FGF19: variants seen among roughly 807,000 people sequenced by gnomAD.
The protein encoded by FGF19 is fibroblast growth factor 19.
Under a neutral mutation model 8.9 loss-of-function variants are expected in FGF19, and 5 were observed. That is an observed-to-expected ratio of 0.56 (90% confidence interval 0.29 to 1.18). The LOEUF (loss-of-function observed/expected upper bound fraction) is 1.18, where lower values mean the gene tolerates loss of function less well. Ranked by LOEUF, FGF19 falls within the 50% of genes most tolerant of loss-of-function variation. The pLI, the probability that FGF19 is intolerant of heterozygous loss-of-function variation, is 0.08. For synonymous variants in FGF19, 124 were observed against 128.0 expected, an observed-to-expected ratio of 0.97 and a Z score of 0.21; for missense variants, 237 against 293.9, an observed-to-expected ratio of 0.81 and a Z score of 1.42.
Position 69,703,613 on chromosome 11 carries a change from C to A in FGF19, c.232+32G>T, listed in dbSNP as rs919766948. The stretch of plus-strand genomic sequence containing the variant: ...GCGCAGCGGGGTGGGGTGCGCGCGG[C>A]GGGGCGGGCGGGGGTGCTGGCGGGC... On this transcript the variant is annotated intron_variant, in intron 1 of 2. Coordinates refer to ENST00000294312, the MANE Select transcript of FGF19 (RefSeq NM_005117.3). This position sits in a 1 kb window ranked among gnomAD's most constrained non-coding sequence, Gnocchi z 6.8. 3 of 542,806 alleles carry A rather than the reference C, an allele frequency of 5.5e-6. No individual in the cohort carries two copies. Among genetic ancestry groups the A allele is most frequent in the African/African-American group, 1.5e-4 (2 of 13,670 alleles). 33.6% of individuals were successfully genotyped at this position (542,806 alleles called of 1,614,324 possible).
chr11:69,703,365 C>A lies in FGF19; in HGVS notation c.233-1G>T. ...GCGACTGCCTTGATCTCCAGCAAAC[C>A]TAGGCGCAGGGGAAGCGAGAAGCTG... On this transcript the variant is annotated splice_acceptor_variant, in intron 1 of 2. Transcript: ENST00000294312. LOFTEE classifies it high-confidence loss of function. The surrounding 1 kb of genome is among the most constrained non-coding windows in gnomAD (Gnocchi z 6.8). 1 of 1,604,346 alleles carries A rather than the reference C, an allele frequency of 6.2e-7. No homozygotes were observed. Among genetic ancestry groups the A allele is most frequent in the East Asian group, 2.2e-5 (1 of 44,466 alleles).
At position 69,702,475 on chromosome 11, in the gene FGF19, C is replaced by T. The variant is rs1854783619; in HGVS notation, c.336+786G>A. Among the ~76,000 whole-genome samples, 1 of 152,104 alleles carries T rather than the reference C, an allele frequency of 6.6e-6. No individual in the cohort carries two copies. ...GAGACCTCACACAGCCTCCTCTGCG[C>T]GCGGGGCCGCGGGAGGGGCGCGGGT... On this transcript the variant is annotated intron_variant, in intron 2 of 2. Coordinates refer to ENST00000294312, the MANE Select transcript of FGF19 (RefSeq NM_005117.3). This position sits in a 1 kb window ranked among gnomAD's most constrained non-coding sequence, Gnocchi z 4.6.
chr11:69,699,541 C>T lies in FGF19; in HGVS notation c.372G>A (p.Glu124=), dbSNP rs1854746083. 6.2e-7 allele frequency: 1 copy of T among 1,613,662 alleles called. No homozygotes were observed. Among genetic ancestry groups the T allele is most frequent in the Admixed American group, 1.7e-5 (1 of 59,970 alleles). The change falls in exon 3 of 3, where the codon GAG becomes GAA. Residue 124 remains glutamate, a synonymous_variant. Transcript: ENST00000294312. ...CATTGTAGCCATCTGGGCGGATCTC[C>T]TCCTCGAAAGCACAGTCTTCCTCCG... ...QYSEEDCAFE[E]EIRPDGYNVY... is the part of the protein sequence containing the mutation.
In FGF19 at chr11:69,703,401, C is replaced by A; in HGVS notation, c.233-37G>T. Reference sequence around the variant, plus strand: ...GGAAGCGAGAAGCTGCAGCAAGGACCGCTGGGCCCGCACCACGTGGGTGCG... The same window carrying A: ...GGAAGCGAGAAGCTGCAGCAAGGACAGCTGGGCCCGCACCACGTGGGTGCG... On this transcript the variant is annotated intron_variant, in intron 1 of 2. Coordinates refer to ENST00000294312, the MANE Select transcript of FGF19 (RefSeq NM_005117.3). This position sits in a 1 kb window ranked among gnomAD's most constrained non-coding sequence, Gnocchi z 6.8. The A allele has an allele frequency of 6.7e-7, 1 of 1,499,636 alleles. No homozygotes were observed. The highest frequency in any genetic ancestry group is 9.1e-7 in the Non-Finnish European group (1 of 1,096,296). The allele number at this position is 1,499,636 out of a possible 1,614,324, so 92.9% of individuals were successfully genotyped here. A position where few individuals can be genotyped will look rare whatever the true frequency, so the allele number is the denominator to read the frequency against.
intron 2 of FGF19, among the ~76,000 whole-genome samples, chr11:69,700,251 A>G (rs894527461): frequency 6.6e-6 from 1 of 152,048 alleles, no homozygotes; most frequent in Non-Finnish European, 1.5e-5. Flanking sequence ...ATAAATTATA[A>G]TCTTTATATA....
In FGF19 at chr11:69,699,474, T is replaced by A; in HGVS notation, c.439A>T (p.Ser147Cys). The stretch of plus-strand genomic sequence containing the variant: ...TTGTACAGCTGCCGCTGTTTGGCAC[T>A]GCTCAGGGAGACCGGGAGGCGGTGC... ...EKHRLPVSLSSAKQRQLYKNR... is the reference protein window; with the variant it reads ...EKHRLPVSLSCAKQRQLYKNR... The change falls in exon 3 of 3, where the codon AGT becomes TGT. Residue 147 changes from serine to cysteine, a missense_variant. By Grantham distance (112) the Ser-to-Cys change is moderately radical. Transcript: ENST00000294312. 1 of 1,614,186 alleles carries A rather than the reference T, an allele frequency of 6.2e-7. No homozygotes were observed. The highest frequency in any genetic ancestry group is 8.5e-7 in the Non-Finnish European group (1 of 1,180,012).
chr11:69,699,607 C>A, intron 2 of FGF19, 31 bp from the exon 3 acceptor site: 6 of 1,549,346 alleles, frequency 3.9e-6, no homozygotes, highest in Non-Finnish European at 5.2e-6. Context: ...TCTGAGCAAT[C>A]CACAGTGGAC....
Position 69,699,329 on chromosome 11 carries a change from T to C in FGF19, c.584A>G (p.Asp195Gly). The change falls in exon 3 of 3, where the codon GAC becomes GGC. Residue 195 changes from aspartate to glycine, a missense_variant. Physicochemically the swap from Asp to Gly is moderately conservative, Grantham distance 94. Coordinates refer to ENST00000294312, the MANE Select transcript of FGF19 (RefSeq NM_005117.3). Reference sequence around the variant, plus strand: ...GACAAGCCCAAATGGGTCCATGCTGTCGGTCTCCAGGGGCGAAGAGAACAT... The same window carrying C: ...GACAAGCCCAAATGGGTCCATGCTGCCGGTCTCCAGGGGCGAAGAGAACAT... Reference protein sequence around the residue: ...SDMFSSPLETDSMDPFGLVTG... With the variant: ...SDMFSSPLETGSMDPFGLVTG... 2 of 1,614,190 alleles carry C rather than the reference T, an allele frequency of 1.2e-6. No individual in the cohort carries two copies. The highest frequency in any genetic ancestry group is 1.7e-6 in the Non-Finnish European group (2 of 1,180,028).
intron 2 of FGF19, among the ~76,000 whole-genome samples, chr11:69,700,698 T>A (rs1565087290): frequency 6.6e-6 from 1 of 152,198 alleles, no homozygotes; most frequent in Non-Finnish European, 1.5e-5. Context: ...AGCCCCGCTG[T>A]CTCCTCCATT....
At position 69,699,148 on chromosome 11, in the gene FGF19, C is replaced by T; in HGVS notation, c.*114G>A. 1 of 734,150 alleles carries T rather than the reference C, an allele frequency of 1.4e-6. No homozygotes were observed. Among genetic ancestry groups the T allele is most frequent in the South Asian group, 1.9e-5 (1 of 53,078 alleles). The allele number at this position is 734,150 out of a possible 1,614,324, so 45.5% of individuals were successfully genotyped here. On this transcript the variant is annotated 3_prime_UTR_variant, in exon 3 of 3. Transcript: ENST00000294312. ...GAATATGTACAACTTCTAGATGTTT[C>T]TTCCTAAAGCTAAACAGAACGTGGA...
At position 69,699,640 on chromosome 11, in the gene FGF19, C is replaced by T. The variant is rs147194982; in HGVS notation, c.337-64G>A. The T allele has an allele frequency of 2.9e-3, 3,878 of 1,353,798 alleles. 13 individuals carry two copies. The highest frequency in any genetic ancestry group is 3.7e-3 in the Non-Finnish European group (3,699 of 998,372). The allele number at this position is 1,353,798 out of a possible 1,614,324, so 83.9% of individuals were successfully genotyped here. On this transcript the variant is annotated intron_variant, in intron 2 of 2. Transcript: ENST00000294312. ...GACAGGGAACACGGGTCCACATGGACGTTTGTGCTACAGACTGTCCCTGGT... is the reference window on the plus strand; with the variant it reads ...GACAGGGAACACGGGTCCACATGGATGTTTGTGCTACAGACTGTCCCTGGT...
Position 69,703,825 on chromosome 11 carries a change from G to C in FGF19, c.52C>G (p.Leu18Val). The C allele has an allele frequency of 8.1e-7, 1 of 1,236,460 alleles. No homozygotes were observed. Among genetic ancestry groups the C allele is most frequent in the Non-Finnish European group, 1.0e-6 (1 of 990,160 alleles). The allele number at this position is 1,236,460 out of a possible 1,614,324, so 76.6% of individuals were successfully genotyped here. A position where few individuals can be genotyped will look rare whatever the true frequency, so the allele number is the denominator to read the frequency against. The change falls in exon 1 of 3, where the codon CTG becomes GTG. Residue 18 changes from leucine (L) to valine (V), a missense_variant. Coordinates refer to ENST00000294312, the MANE Select transcript of FGF19 (RefSeq NM_005117.3). The surrounding 1 kb of genome is among the most constrained non-coding windows in gnomAD (Gnocchi z 6.8). The stretch of plus-strand genomic sequence containing the variant: ...GCGAGGGGGCGCCCGGCCACGGCCA[G>C]CCAGAGGCCGGCCAGGATCCATACG... ...VHVWILAGLW[L>V]AVAGRPLAFS...
In FGF19 at chr11:69,699,566, G is replaced by C. The variant is rs765440889; in HGVS notation, c.347C>G (p.Ser116Trp). The change falls in exon 3 of 3, where the codon TCG becomes TGG. Residue 116 changes from serine to tryptophan, a missense_variant. Physicochemically the swap from Ser to Trp is radical, Grantham distance 177. Transcript: ENST00000294312. Reference sequence around the variant, plus strand: ...CTCCTCGAAAGCACAGTCTTCCTCCGAGTACTGAAGCTGCAGAGAAAACAG... The same window carrying C: ...CTCCTCGAAAGCACAGTCTTCCTCCCAGTACTGAAGCTGCAGAGAAAACAG... ...DGKMQGLLQY[S>W]EEDCAFEEEI... The C allele has an allele frequency of 3.5e-5, 57 of 1,608,380 alleles. No homozygotes were observed. The highest frequency in any genetic ancestry group is 4.3e-5 in the Non-Finnish European group (51 of 1,176,680).
At chr11:69,700,901 A>G (rs1854765376) in intron 2 of FGF19, among the ~76,000 whole-genome samples, 1 of 152,244 alleles carries the variant, frequency 6.6e-6, no homozygotes, top group Non-Finnish European at 1.5e-5. Flanking sequence ...CACCGGTGTC[A>G]TTACCCCTTG....
In FGF19 at chr11:69,703,430, G is replaced by A. The variant is rs1854800329; in HGVS notation, c.233-66C>T. The A allele has an allele frequency of 8.6e-6, 11 of 1,284,170 alleles. No homozygotes were observed. The highest frequency in any genetic ancestry group is 1.2e-5 in the Non-Finnish European group (11 of 908,142). The allele number at this position is 1,284,170 out of a possible 1,614,324, so 79.5% of individuals were successfully genotyped here. On this transcript the variant is annotated intron_variant, in intron 1 of 2. Transcript: ENST00000294312. This position sits in a 1 kb window ranked among gnomAD's most constrained non-coding sequence, Gnocchi z 6.8. The stretch of plus-strand genomic sequence containing the variant: ...GGGCCCGCACCACGTGGGTGCGGTC[G>A]GTCCACAAGCCTGTGCTTCTCCCTA...
chr11:69,700,927 C>T (rs1290555682), intron 2 of FGF19, among the ~76,000 whole-genome samples: 1 of 152,254 alleles, frequency 6.6e-6, no homozygotes, highest in Non-Finnish European at 1.5e-5. Context: ...CCAGGACAGG[C>T]GCAGGCGGGA....
intron 2 of FGF19, among the ~76,000 whole-genome samples, chr11:69,700,025 G>C (rs547448286): frequency 6.7e-4 from 102 of 151,802 alleles, no homozygotes; most frequent in African/African-American, 2.3e-3. Context: ...GGTAGTCAAG[G>C]CTGCACTGAG....
In FGF19 at chr11:69,703,548, T is replaced by C. The variant is rs1854801239; in HGVS notation, c.232+97A>G. 1.3e-6 allele frequency: 1 copy of C among 746,036 alleles called. No homozygotes were observed. The highest frequency in any genetic ancestry group is 2.0e-5 in the African/African-American group (1 of 48,874). The allele number at this position is 746,036 out of a possible 1,614,324, so 46.2% of individuals were successfully genotyped here. A position where few individuals can be genotyped will look rare whatever the true frequency, so the allele number is the denominator to read the frequency against. ...AGGAGTTGAGGGGTCCGCAGGAGCC[T>C]AAGGGTGGCAAAGGAAGGAAGGGCG... On this transcript the variant is annotated intron_variant, in intron 1 of 2. Transcript: ENST00000294312. This position sits in a 1 kb window ranked among gnomAD's most constrained non-coding sequence, Gnocchi z 6.8.
Position 69,703,176 on chromosome 11 carries a change from C to G in FGF19, c.336+85G>C, listed in dbSNP as rs1854795518. On this transcript the variant is annotated intron_variant, in intron 2 of 2. Transcript: ENST00000294312. The surrounding 1 kb of genome is among the most constrained non-coding windows in gnomAD (Gnocchi z 6.8). ...AGGCGAGGAAACCCTGGATTCGAAC[C>G]AGCGCCTTTCTCTCCTTCAGGCCTC... is the stretch of plus-strand genomic sequence containing the variant. The G allele has an allele frequency of 1.1e-6, 1 of 913,916 alleles. No individual in the cohort carries two copies. The highest frequency in any genetic ancestry group is 2.6e-5 in the Admixed American group (1 of 38,386). The allele number at this position is 913,916 out of a possible 1,614,324, so 56.6% of individuals were successfully genotyped here. A position where few individuals can be genotyped will look rare whatever the true frequency, so the allele number is the denominator to read the frequency against.
Sources: gnomAD v4.1 joint callset for allele counts (sites outside exome capture counted in the v4.1 genomes callset) on GRCh38, gnomAD v4.1.1 for gene constraint, Gnocchi (gnomAD v3.1) non-coding constraint, MANE v1.5 for transcripts, NCBI Gene and HGNC (gene_info 2026-07-23, HGNC 2026-07-21) for gene names.